Variants in PDS5A observed in about 807,000 individuals in gnomAD.
PDS5A encodes the protein PDS5 cohesin associated factor A, also known as sister chromatid cohesion protein PDS5 homolog A.
A neutral mutation model predicts 167.1 loss-of-function variants in PDS5A; 42 were observed. The observed-to-expected ratio is 0.25, with a 90% CI of 0.20 to 0.33. PDS5A has a LOEUF of 0.33. PDS5A is among the 10% of genes least tolerant of loss of function. PDS5A has a pLI of 1.00. For missense variants in PDS5A, 1,033 were observed against 1,605.9 expected (o/e 0.64, Z 6.10); for synonymous variants, 553 against 554.6 (o/e 1.00, Z 0.04).
chr4:39,829,736 G>C (rs1018025680), intron 32 of PDS5A, among the ~76,000 whole-genome samples: 8 of 151,528 alleles, frequency 5.3e-5, no homozygotes, highest in African/African-American at 1.9e-4. Context: ...CGGATCACAA[G>C]GTCAGGAGAT....
intron 29 of PDS5A, among the ~76,000 whole-genome samples, chr4:39,845,218 G>T (rs187408056): frequency 6.6e-6 from 1 of 151,988 alleles, no homozygotes; most frequent in Admixed American, 6.6e-5. Flanking sequence ...GAAAAAAAAA[G>T]ATCATTCTGT....
intron 16 of PDS5A, chr4:39,897,935 T>C (rs1197199613): frequency 1.7e-6 from 1 of 590,480 alleles, no homozygotes; most frequent in African/African-American, 2.0e-5. Context: ...AGAATATTGG[T>C]TTTAAATGAG....
At chr4:39,936,187 G>A (rs918477372) in intron 2 of PDS5A, among the ~76,000 whole-genome samples, 1 of 152,072 alleles carries the variant, frequency 6.6e-6, no homozygotes, top group African/African-American at 2.4e-5. Context: ...GTTATTCCCC[G>A]ACAGCAATTC....
chr4:39,867,730 CAA>C (rs1303968389), intron 22 of PDS5A, among the ~76,000 whole-genome samples: 3 of 77,686 alleles, frequency 3.9e-5, no homozygotes, highest in African/African-American at 1.6e-4. Flanking sequence ...ATAAAAAAAC[CAA>C]AACACACACA....
chr4:39,850,971 C>T (rs1368983426), intron 26 of PDS5A, among the ~76,000 whole-genome samples: 1 of 152,210 alleles, frequency 6.6e-6, no homozygotes, highest in Non-Finnish European at 1.5e-5. Flanking sequence ...TCTTTTCCTA[C>T]ATTCCACATA....
chr4:39,828,338 G>C (rs1007003252), intron 32 of PDS5A, among the ~76,000 whole-genome samples: 1 of 152,128 alleles, frequency 6.6e-6, no homozygotes, highest in Non-Finnish European at 1.5e-5. Flanking sequence ...GGAGAATTTT[G>C]CATATCTTCC....
intron 17 of PDS5A, among the ~76,000 whole-genome samples, chr4:39,887,777 G>A (rs571839251): frequency 1.3e-5 from 2 of 152,238 alleles, no homozygotes; most frequent in Admixed American, 6.5e-5. Context: ...TAAAAAAAGC[G>A]AAGAGACAAC....
intron 22 of PDS5A, among the ~76,000 whole-genome samples, chr4:39,868,048 AT>A (rs1272634329): frequency 5.9e-5 from 9 of 152,236 alleles, no homozygotes; most frequent in Non-Finnish European, 1.0e-4. Context: ...AACTGATAGA[AT>A]ATATGATGAC....
intron 2 of PDS5A, among the ~76,000 whole-genome samples, chr4:39,964,127 C>T (rs1214488736): frequency 6.6e-6 from 1 of 152,094 alleles, no homozygotes; most frequent in Admixed American, 6.6e-5. Context: ...ACAAAAAGAA[C>T]CACAGAGAAA....
chr4:39,845,487 A>G (rs1717513930), intron 29 of PDS5A, among the ~76,000 whole-genome samples: 1 of 152,236 alleles, frequency 6.6e-6, no homozygotes, highest in East Asian at 1.9e-4. Context: ...TACATAGAAC[A>G]TGAATTGTCT....
intron 21 of PDS5A, chr4:39,872,644 CTT>C (rs1001111954): frequency 2.5e-5 from 4 of 157,304 alleles, no homozygotes; most frequent in African/African-American, 7.2e-5. Context: ...GAGCGAGACT[CTT>C]GTCTTCAAAA....
intron 28 of PDS5A, chr4:39,847,070 G>A (rs763323721): frequency 7.9e-5 from 12 of 151,974 alleles, no homozygotes; most frequent in Non-Finnish European, 1.6e-4. Context: ...AATAAGGAAC[G>A]TTGCATACTG....
intron 17 of PDS5A, among the ~76,000 whole-genome samples, chr4:39,883,368 A>T (rs944920289): frequency 7.9e-5 from 12 of 152,052 alleles, no homozygotes; most frequent in Non-Finnish European, 1.5e-5. Flanking sequence ...TTTAGTAGAT[A>T]TGGGGTTTCA....
intron 2 of PDS5A, among the ~76,000 whole-genome samples, chr4:39,956,301 G>A (rs772392948): frequency 4.0e-5 from 6 of 151,504 alleles, no homozygotes; most frequent in Non-Finnish European, 8.8e-5. Context: ...AGACTAGCCC[G>A]GCCAACATGC....
intron 2 of PDS5A, among the ~76,000 whole-genome samples, chr4:39,961,182 T>A (rs566615539): frequency 1.5e-4 from 23 of 152,212 alleles, no homozygotes; most frequent in African/African-American, 5.5e-4. Context: ...AACTGTAGAA[T>A]TGATCCCTGA....
chr4:39,952,476 CCAGAT>C (rs1161522200), intron 2 of PDS5A, among the ~76,000 whole-genome samples: 1 of 152,094 alleles, frequency 6.6e-6, no homozygotes, highest in Non-Finnish European at 1.5e-5. Flanking sequence ...TTAAAAATCA[CCAGAT>C]CATAATTTGT....
At chr4:39,943,541 T>G (rs991842769) in intron 2 of PDS5A, among the ~76,000 whole-genome samples, 2 of 148,948 alleles carry the variant, frequency 1.3e-5, no homozygotes, top group African/African-American at 2.5e-5. Context: ...CCCAGCACTT[T>G]GGGAGGCCAG....
At chr4:39,894,895 A>C (rs1209897528) in intron 16 of PDS5A, among the ~76,000 whole-genome samples, 1 of 152,036 alleles carries the variant, frequency 6.6e-6, no homozygotes, top group Non-Finnish European at 1.5e-5. Context: ...ACACACACAA[A>C]GAATTATCCA....
intron 26 of PDS5A, among the ~76,000 whole-genome samples, chr4:39,861,605 T>G (rs1719011304): frequency 6.6e-6 from 1 of 152,222 alleles, no homozygotes; most frequent in South Asian, 2.1e-4. Flanking sequence ...GTTACTATTA[T>G]TTTTCAGAGA....
Sources: gnomAD v4.1 joint callset for allele counts (sites outside exome capture counted in the v4.1 genomes callset) on GRCh38, gnomAD v4.1.1 for gene constraint, MANE v1.5 for transcripts, NCBI Gene and HGNC (gene_info 2026-07-23, HGNC 2026-07-21) for gene names.